Variants in PRDM16 observed in about 807,000 individuals in gnomAD.
PRDM16 encodes histone-lysine N-methyltransferase PRDM16.
Under a neutral mutation model 110.6 loss-of-function variants are expected in PRDM16, and 23 were observed. The ratio of observed to expected loss-of-function variants is 0.21; its 90% CI spans 0.15 to 0.29. The LOEUF (loss-of-function observed/expected upper bound fraction) is 0.29. Ranked by LOEUF, PRDM16 falls within the 10% of genes least tolerant of loss-of-function variation. PRDM16 has a pLI of 1.00. For synonymous variants in PRDM16, 799 were observed against 781.8 expected (o/e 1.02, Z -0.37); for missense variants, 1,615 against 1,794.3 (o/e 0.90, Z 1.81).
At chr1:3,300,837 G>C (rs1477378230) in intron 3 of PRDM16, among the ~76,000 whole-genome samples, 1 of 152,134 alleles carries the variant, frequency 6.6e-6, no homozygotes, top group Non-Finnish European at 1.5e-5. Flanking sequence ...TCCTTCAACC[G>C]CTTAGATCCC....
At chr1:3,333,984 T>C (rs1188236193) in intron 3 of PRDM16, among the ~76,000 whole-genome samples, 1 of 152,148 alleles carries the variant, frequency 6.6e-6, no homozygotes, top group Non-Finnish European at 1.5e-5. Context: ...CACGAGCCAA[T>C]GAAACCTCTT....
At chr1:3,293,690 T>C (rs1056517399) in intron 3 of PRDM16, among the ~76,000 whole-genome samples, 3 of 152,208 alleles carry the variant, frequency 2.0e-5, no homozygotes, top group African/African-American at 7.2e-5. Flanking sequence ...GGGTATTTCA[T>C]TGTTAAGAGC....
intron 2 of PRDM16, among the ~76,000 whole-genome samples, chr1:3,233,721 A>G (rs927437836): frequency 6.6e-6 from 1 of 152,188 alleles, no homozygotes; most frequent in South Asian, 2.1e-4. Flanking sequence ...CTAATGATGA[A>G]TGAAGAGGGC....
rs1638926954 is a variant in PRDM16, at chr1:3,436,990, G to A, written c.*3179G>A. 8.6e-6 allele frequency: 2 copies of A among 233,050 alleles called. No homozygotes were observed. Among genetic ancestry groups the A allele is most frequent in the Middle Eastern group, 1.2e-3 (1 of 808 alleles). 14.4% of individuals were successfully genotyped at this position (233,050 alleles called of 1,614,324 possible). A position where few individuals can be genotyped will look rare whatever the true frequency, so the allele number is the denominator to read the frequency against. On this transcript the variant is annotated 3_prime_UTR_variant, in exon 17 of 17. Coordinates refer to ENST00000270722, the MANE Select transcript of PRDM16 (RefSeq NM_022114.4). ...AGACCCCAGCCCCCAGCGAGCCGAC[G>A]TCCCCACCCGTTCCTGCTCTCATCC...
In PRDM16 at chr1:3,411,489, T is replaced by A. The variant is rs769167530; in HGVS notation, c.1292T>A (p.Met431Lys). 3 of 1,614,182 alleles carry A rather than the reference T, an allele frequency of 1.9e-6. No individual in the cohort carries two copies. Among genetic ancestry groups the A allele is most frequent in the Non-Finnish European group, 2.5e-6 (3 of 1,180,026 alleles). Residue 431 changes from methionine (M) to lysine (K), a missense_variant, in exon 9 of 17, where the codon ATG becomes AAG. Transcript: ENST00000270722. ...TQIKCKDCGQ[M>K]FSTTSSLNKH... ...ATCAAGTGCAAGGACTGTGGCCAGATGTTCAGCACTACCTCCTCCCTCAAC... is the reference window on the plus strand; with the variant it reads ...ATCAAGTGCAAGGACTGTGGCCAGAAGTTCAGCACTACCTCCTCCCTCAAC...
At position 3,353,983 on chromosome 1, in the gene PRDM16, G is replaced by T. The variant is rs572431771; in HGVS notation, c.439-31169G>T. On this transcript the variant is annotated intron_variant, in intron 3 of 16. Transcript: ENST00000270722. This position sits in a 1 kb window ranked among gnomAD's most constrained non-coding sequence, Gnocchi z 5.4. ...CACAGGCCCAAGAGAAAAGGGAAGTGTGGCCAACTCTGGACTCCCAGTAGC... is the reference window on the plus strand; with the variant it reads ...CACAGGCCCAAGAGAAAAGGGAAGTTTGGCCAACTCTGGACTCCCAGTAGC... Among the ~76,000 whole-genome samples, 4 of 152,198 alleles carry T rather than the reference G, an allele frequency of 2.6e-5. No individual in the cohort carries two copies. The highest frequency in any genetic ancestry group is 5.9e-5 in the Non-Finnish European group (4 of 68,028).
rs79430459 is a variant in PRDM16 at position 3,299,666 on chromosome 1, G to A, written c.438+55529G>A. Among the ~76,000 whole-genome samples the A allele has an allele frequency of 6.4e-5, 8 of 125,738 alleles. No homozygotes were observed. The East Asian group carries it at 8.2e-4, about 13-fold the overall frequency. 82.5% of individuals were successfully genotyped at this position (125,738 alleles called of 152,430 possible). ...TTGTTGAAGATGCTATGCTGTGGCC[G>A]TGATGTTTCCGATCCCAGTCGTGGT... On this transcript the variant is annotated intron_variant, in intron 3 of 16. Coordinates refer to ENST00000270722, the MANE Select transcript of PRDM16 (RefSeq NM_022114.4).
chr1:3,160,501 C>T (rs950256982), intron 1 of PRDM16, among the ~76,000 whole-genome samples: 2 of 152,164 alleles, frequency 1.3e-5, no homozygotes, highest in Admixed American at 6.5e-5. Context: ...GAGTGTCCTC[C>T]TGCTTTGTCC....
At chr1:3,084,718 C>A (rs2788095) in intron 1 of PRDM16, among the ~76,000 whole-genome samples, 52,473 of 152,124 alleles carry the variant, frequency 0.34, 10,688 homozygotes, top group African/African-American at 0.57. Context: ...TCAAAAAACA[C>A]AGTGGGGCAG....
At chr1:3,181,194 G>GCA (rs1644164151) in intron 1 of PRDM16, among the ~76,000 whole-genome samples, 4 of 120,068 alleles carry the variant, frequency 3.3e-5, no homozygotes, top group East Asian at 2.9e-4. Context: ...GCAGTCTTAC[G>GCA]GTCTTACACA....
At chr1:3,343,139 T>C (rs1557622268) in intron 3 of PRDM16, among the ~76,000 whole-genome samples, 1 of 151,238 alleles carries the variant, frequency 6.6e-6, no homozygotes, top group Non-Finnish European at 1.5e-5. Context: ...TTCCAGCTGC[T>C]CCGGTCCTCA....
At chr1:3,195,892 G>C (rs1569822192) in intron 2 of PRDM16, among the ~76,000 whole-genome samples, 1 of 152,352 alleles carries the variant, frequency 6.6e-6, no homozygotes, top group East Asian at 1.9e-4. Flanking sequence ...TGTGGCCTCT[G>C]TATGGGCCTG....
At chr1:3,220,054 G>A (rs933384668) in intron 2 of PRDM16, among the ~76,000 whole-genome samples, 15 of 152,168 alleles carry the variant, frequency 9.9e-5, no homozygotes, top group African/African-American at 3.1e-4. Context: ...AAAAGCCCCC[G>A]AGTGGGCTCT....
rs1412613041 is a variant in PRDM16 at position 3,339,977 on chromosome 1, T to C, written c.439-45175T>C. ...TGTGCCATCCCCCGAGCGTGCCTCC[T>C]CCTCTCCCTGGGACCCGCGTGAAAT... On this transcript the variant is annotated intron_variant, in intron 3 of 16. Transcript: ENST00000270722. This position sits in a 1 kb window ranked among gnomAD's most constrained non-coding sequence, Gnocchi z 5.0. 5.0e-4 allele frequency among the ~76,000 whole-genome samples: 76 copies of C among 152,124 alleles called. No homozygotes were observed. The highest frequency in any genetic ancestry group is 8.8e-5 in the Non-Finnish European group (6 of 68,020).
At position 3,411,915 on chromosome 1, in the gene PRDM16, C is replaced by T. The variant is rs1032510351; in HGVS notation, c.1718C>T (p.Ala573Val). Residue 573 changes from alanine to valine, a missense_variant, in exon 9 of 17, where the codon GCG (alanine) becomes GTG (valine). Around this residue, in one of 5 missense-constraint regions of PRDM16, gnomAD observed 772 missense variants for 748.3 expected, o/e 1.03. Coordinates refer to ENST00000270722, the MANE Select transcript of PRDM16 (RefSeq NM_022114.4). ...AGCAGCCAGGGCACGACGGCAGCTG[C>T]GGGGCCCGAGGAGAAGTTCGAGAGC... The part of the protein sequence containing the change: ...SNSSQGTTAA[A>V]GPEEKFESRL... 6 of 1,613,556 alleles carry T rather than the reference C, an allele frequency of 3.7e-6. No homozygotes were observed. The highest frequency in any genetic ancestry group is 1.3e-5 in the African/African-American group (1 of 74,892).
chr1:3,193,551 C>G (rs148488673), intron 2 of PRDM16, among the ~76,000 whole-genome samples: 3 of 152,204 alleles, frequency 2.0e-5, no homozygotes, highest in African/African-American at 7.2e-5. Context: ...GACCTCCGCA[C>G]TCTCCATCCC....
intron 2 of PRDM16, among the ~76,000 whole-genome samples, chr1:3,242,014 C>T (rs957303074): frequency 6.6e-6 from 1 of 152,210 alleles, no homozygotes; most frequent in Admixed American, 6.5e-5. Flanking sequence ...GTGTCACCTG[C>T]ATTGGGAATG....
chr1:3,126,188 C>T (rs749957738), intron 1 of PRDM16, among the ~76,000 whole-genome samples: 13 of 152,194 alleles, frequency 8.5e-5, no homozygotes, highest in African/African-American at 2.7e-4. Flanking sequence ...CCGCTCTTCC[C>T]GGCCCAGCTC....
chr1:3,164,439 C>G (rs937102654), intron 1 of PRDM16, among the ~76,000 whole-genome samples: 59 of 152,280 alleles, frequency 3.9e-4, no homozygotes, highest in African/African-American at 1.4e-3. Flanking sequence ...GGGGACCCTG[C>G]CAGGAGGGCA....
Sources: allele counts gnomAD v4.1 joint callset (sites outside exome capture counted in the v4.1 genomes callset), GRCh38; gene constraint gnomAD v4.1.1; regional missense constraint gnomAD v4.1.1; non-coding constraint Gnocchi (gnomAD v3.1); transcripts MANE v1.5; gene names NCBI Gene and HGNC (gene_info 2026-07-23, HGNC 2026-07-21).